COL8A1: variants seen among roughly 807,000 people sequenced by gnomAD.
COL8A1 encodes the protein collagen alpha-1(VIII) chain.
Under a neutral mutation model 42.7 loss-of-function variants are expected in COL8A1, and 21 were observed. The ratio of observed to expected loss-of-function variants is 0.49; its 90% CI spans 0.35 to 0.71. The LOEUF is 0.71. Among genes scored for constraint, COL8A1 ranks in the 30% least tolerant of loss-of-function variants. The pLI is 0.01. For synonymous variants in COL8A1, 367 were observed against 369.1 expected, an observed-to-expected ratio of 0.99 and a Z score of 0.06; for missense variants, 788 against 962.4, an observed-to-expected ratio of 0.82 and a Z score of 2.40.
chr3:99,658,813 G>T (rs368308089), intron 1 of COL8A1, among the ~76,000 whole-genome samples: 2 of 152,134 alleles, frequency 1.3e-5, no homozygotes, highest in South Asian at 2.1e-4. Context: ...TCTAAGACAG[G>T]CCCTTAGCAA....
intron 1 of COL8A1, among the ~76,000 whole-genome samples, chr3:99,686,224 G>A (rs1015716711): frequency 6.6e-6 from 1 of 152,060 alleles, no homozygotes; most frequent in African/African-American, 2.4e-5. Flanking sequence ...TTTTACCAAA[G>A]ACCTGCAGAC....
At chr3:99,726,697 G>A (rs1219800840) in intron 1 of COL8A1, among the ~76,000 whole-genome samples, 3 of 151,844 alleles carry the variant, frequency 2.0e-5, no homozygotes, top group African/African-American at 7.3e-5. Flanking sequence ...GTTTTTCTCA[G>A]GTTTGTCAAA....
In COL8A1 at chr3:99,796,448, T is replaced by C. The variant is rs1284930261; in HGVS notation, c.*312T>C. 4.7e-6 allele frequency: 1 copy of C among 214,472 alleles called. No homozygotes were observed. The highest frequency in any genetic ancestry group is 9.9e-5 in the East Asian group (1 of 10,104). 13.3% of individuals were successfully genotyped at this position (214,472 alleles called of 1,614,324 possible). A position where few individuals can be genotyped will look rare whatever the true frequency, so the allele number is the denominator to read the frequency against. On this transcript the variant is annotated 3_prime_UTR_variant, in exon 4 of 4. Transcript: ENST00000652472. Reference sequence around the variant, plus strand: ...ACAGTAACCTGCTTATTCAGATCAGTCAAAATATATCAGTATGAAAGATCA... The same window carrying C: ...ACAGTAACCTGCTTATTCAGATCAGCCAAAATATATCAGTATGAAAGATCA...
At chr3:99,783,612 G>A (rs1371599987) in intron 2 of COL8A1, among the ~76,000 whole-genome samples, 1 of 152,188 alleles carries the variant, frequency 6.6e-6, no homozygotes, top group Non-Finnish European at 1.5e-5. Flanking sequence ...ATAAAGAAAG[G>A]AGGTTTAATT....
At chr3:99,660,720 G>T (rs911181374) in intron 1 of COL8A1, among the ~76,000 whole-genome samples, 1 of 152,188 alleles carries the variant, frequency 6.6e-6, no homozygotes, top group East Asian at 1.9e-4. Context: ...TAATTAGAAA[G>T]CTTAAAATAG....
chr3:99,646,948 A>T (rs1205670963), intron 1 of COL8A1, among the ~76,000 whole-genome samples: 1 of 152,214 alleles, frequency 6.6e-6, no homozygotes, highest in Admixed American at 6.5e-5. Context: ...TGACTTTTGT[A>T]TAAAATCTCT....
intron 1 of COL8A1, among the ~76,000 whole-genome samples, chr3:99,674,894 A>G (rs1203512364): frequency 1.3e-5 from 2 of 152,068 alleles, no homozygotes; most frequent in African/African-American, 2.4e-5. Flanking sequence ...AGTTTTCTTT[A>G]AAGCAAGACA....
In COL8A1 at chr3:99,799,051, T is replaced by C. The variant is rs140047516; in HGVS notation, c.*2915T>C. On this transcript the variant is annotated 3_prime_UTR_variant, in exon 4 of 4. Transcript: ENST00000652472. ...ATCCCACAGGGGAAAAGAATGTCTG[T>C]AGTGGGTGACTGTTATCAAATATTT... The C allele has an allele frequency of 3.9e-5, 6 of 152,350 alleles. No homozygotes were observed. The highest frequency in any genetic ancestry group is 1.4e-4 in the African/African-American group (6 of 41,586). 9.4% of individuals were successfully genotyped at this position (152,350 alleles called of 1,614,324 possible). A position where few individuals can be genotyped will look rare whatever the true frequency, so the allele number is the denominator to read the frequency against.
At chr3:99,655,340 A>G (rs1175609237) in intron 1 of COL8A1, among the ~76,000 whole-genome samples, 8 of 152,248 alleles carry the variant, frequency 5.3e-5, no homozygotes, top group African/African-American at 1.9e-4. Context: ...TTCAACACAC[A>G]TAGATTTAAA....
intron 1 of COL8A1, among the ~76,000 whole-genome samples, chr3:99,647,558 T>C (rs1937686677): frequency 6.6e-6 from 1 of 152,134 alleles, no homozygotes; most frequent in African/African-American, 2.4e-5. Context: ...AAATTGAAGT[T>C]GTCTCTTCCT....
intron 1 of COL8A1, among the ~76,000 whole-genome samples, chr3:99,714,123 C>T (rs891005605): frequency 6.6e-6 from 1 of 152,058 alleles, no homozygotes; most frequent in African/African-American, 2.4e-5. Context: ...ACATAGCTCT[C>T]CCTGGACGTG....
chr3:99,717,186 A>AGGG (rs1438838805), intron 1 of COL8A1, among the ~76,000 whole-genome samples: 2 of 152,062 alleles, frequency 1.3e-5, no homozygotes, highest in Admixed American at 1.3e-4. Context: ...TATTTATATG[A>AGGG]GGGGTTATTA....
intron 1 of COL8A1, among the ~76,000 whole-genome samples, chr3:99,650,782 T>G (rs957657210): frequency 2.0e-5 from 3 of 152,212 alleles, no homozygotes; most frequent in African/African-American, 7.2e-5. Flanking sequence ...TCTTTAAATT[T>G]AAAATTAAAT....
intron 2 of COL8A1, among the ~76,000 whole-genome samples, chr3:99,764,701 C>CTTTTTTTTTTTTTTTTTTTTTTT (rs10648559): frequency 8.0e-6 from 1 of 125,052 alleles, no homozygotes; most frequent in African/African-American, 3.0e-5. Flanking sequence ...TCTTTTTTTT[C>CTTTTTTTTTTTTTTTTTTTTTTT]TTTTTTTTTT....
At chr3:99,744,367 A>G (rs1940975964) in intron 1 of COL8A1, among the ~76,000 whole-genome samples, 1 of 152,266 alleles carries the variant, frequency 6.6e-6, no homozygotes, top group Admixed American at 6.5e-5. Context: ...TCTAGGGTAG[A>G]GAGAACTTAC....
chr3:99,675,476 C>T (rs1295331477), intron 1 of COL8A1, among the ~76,000 whole-genome samples: 5 of 151,994 alleles, frequency 3.3e-5, no homozygotes, highest in Non-Finnish European at 5.9e-5. Context: ...TGGAAAAGTG[C>T]ACTATAAGTT....
intron 1 of COL8A1, among the ~76,000 whole-genome samples, chr3:99,720,868 A>G (rs1399552744): frequency 6.6e-6 from 1 of 152,120 alleles, no homozygotes; most frequent in Non-Finnish European, 1.5e-5. Flanking sequence ...AAGATTTTAG[A>G]AGGATGGTGA....
chr3:99,729,492 G>T (rs35577846), intron 1 of COL8A1, among the ~76,000 whole-genome samples: 3 of 151,734 alleles, frequency 2.0e-5, no homozygotes, highest in Admixed American at 1.3e-4. Context: ...GAAAATTAAG[G>T]TCTCTCTAAA....
chr3:99,700,967 A>T (rs1232250089), intron 1 of COL8A1, among the ~76,000 whole-genome samples: 4 of 151,888 alleles, frequency 2.6e-5, no homozygotes, highest in South Asian at 2.1e-4. Flanking sequence ...TCTCACTCTT[A>T]CCCCCGTAGC....
Sources: allele counts gnomAD v4.1 joint callset (sites outside exome capture counted in the v4.1 genomes callset), GRCh38; gene constraint gnomAD v4.1.1; transcripts MANE v1.5; gene names NCBI Gene and HGNC (gene_info 2026-07-23, HGNC 2026-07-21).